The following PRDM10 variants were observed in gnomAD, a reference collection of about 807,000 sequenced individuals.
The protein encoded by PRDM10 is PR domain zinc finger protein 10.
A neutral mutation model predicts 133.1 loss-of-function variants in PRDM10; 65 were observed. The observed-to-expected ratio is 0.49, with a 90% confidence interval of 0.40 to 0.60. The LOEUF is 0.60. PRDM10 is among the 20% of genes least tolerant of loss of function. The pLI, the probability that PRDM10 is intolerant of heterozygous loss-of-function variation, is 0.00. For missense variants in PRDM10, 1,137 were observed against 1,507.1 expected (o/e 0.75, Z 4.07); for synonymous variants, 582 against 580.4 (o/e 1.00, Z -0.04).
At position 129,944,905 on chromosome 11, in the gene PRDM10, G is replaced by T; in HGVS notation, c.628C>A (p.Leu210Met). ...AGAAACCTGTCTATGTAGAGCACCA[G>T]GGGGAGGCTCGCCCTGGCCCGGGTG... Reference protein sequence around the residue: ...VLTRARASLPLVLYIDRFLGG... With the variant: ...VLTRARASLPMVLYIDRFLGG... The change falls in exon 6 of 21, where the codon CTG (leucine) becomes ATG (methionine). Residue 210 changes from leucine (L) to methionine (M), a missense_variant. Around this residue, in one of 6 missense-constraint regions of PRDM10, gnomAD observed 635 missense variants for 835.2 expected, o/e 0.76. Transcript: ENST00000360871. 2 of 1,614,100 alleles carry T rather than the reference G, an allele frequency of 1.2e-6. No individual in the cohort carries two copies. Among genetic ancestry groups the T allele is most frequent in the African/African-American group, 1.3e-5 (1 of 75,050 alleles).
Position 129,925,373 on chromosome 11 carries a change from G to T in PRDM10, c.1531-144C>A, listed in dbSNP as rs953093138. On this transcript the variant is annotated intron_variant, in intron 11 of 20. Transcript: ENST00000360871. The stretch of plus-strand genomic sequence containing the variant: ...ACTCTAGGACACACACAGTTGAAAG[G>T]AGATTTTTCTGGTGAAGACACTGAA... 4 of 774,722 alleles carry T rather than the reference G, an allele frequency of 5.2e-6. No individual in the cohort carries two copies. In the African/African-American group the frequency reaches 7.2e-5, roughly 14 times the overall value. The allele number at this position is 774,722 out of a possible 1,614,324, so 48.0% of individuals were successfully genotyped here. A position where few individuals can be genotyped will look rare whatever the true frequency, so the allele number is the denominator to read the frequency against.
rs113424262 is a variant in PRDM10, at chr11:129,973,614, A to G, written c.-118-12532T>C. Among the ~76,000 whole-genome samples, 902 of 152,380 alleles carry G rather than the reference A, an allele frequency of 5.9e-3. 7 individuals are homozygous for G. Among genetic ancestry groups the G allele is most frequent in the Middle Eastern group, 0.014 (4 of 294 alleles). The stretch of plus-strand genomic sequence containing the variant: ...GCTGAAATAAAATAAAAATTTAAGC[A>G]ACCATCTGTTACAATGTCGGTGATT... On this transcript the variant is annotated intron_variant, in intron 1 of 20. Coordinates refer to ENST00000360871, the MANE Select transcript of PRDM10 (RefSeq NM_199437.2).
At chr11:129,962,060 A>C (rs1283971405) in intron 1 of PRDM10, among the ~76,000 whole-genome samples, 1 of 152,182 alleles carries the variant, frequency 6.6e-6, no homozygotes, top group Non-Finnish European at 1.5e-5. Flanking sequence ...TCTGCGTAAA[A>C]AATTTGGTGA....
At chr11:129,904,826 A>T (rs1949963176) in intron 20 of PRDM10, among the ~76,000 whole-genome samples, 1 of 152,218 alleles carries the variant, frequency 6.6e-6, no homozygotes, top group East Asian at 1.9e-4. Flanking sequence ...ATTCACATGT[A>T]TGTACTCTGT....
At chr11:129,960,781 A>G (rs1239855523) in intron 2 of PRDM10, 115 bp downstream of exon 2, 1 of 1,044,654 alleles carries the variant, frequency 9.6e-7, no homozygotes, top group South Asian at 1.4e-5. Flanking sequence ...CGAGTTCTTC[A>G]TGTCGGCTCC....
intron 1 of PRDM10, among the ~76,000 whole-genome samples, chr11:129,994,465 CAA>C (rs1187507792): frequency 5.4e-4 from 43 of 79,500 alleles, no homozygotes; most frequent in African/African-American, 1.2e-3. Flanking sequence ...AACTCTGCCT[CAA>C]AAAAAAAAAA....
intron 19 of PRDM10, among the ~76,000 whole-genome samples, chr11:129,909,141 C>T (rs182236057): frequency 0.011 from 1,618 of 152,054 alleles, 43 homozygotes; most frequent in Admixed American, 0.062. Flanking sequence ...CTCAATGTGA[C>T]GTCCAATGTT....
intron 1 of PRDM10, among the ~76,000 whole-genome samples, chr11:129,998,285 A>G (rs1939164636): frequency 6.6e-6 from 1 of 152,154 alleles, no homozygotes; most frequent in South Asian, 2.1e-4. Context: ...ACAGGACAGC[A>G]CAGGTCTAAG....
chr11:129,921,449 C>T (rs562178387), intron 13 of PRDM10, among the ~76,000 whole-genome samples: 4 of 152,226 alleles, frequency 2.6e-5, no homozygotes, highest in South Asian at 2.1e-4. Context: ...CCTGAGCACA[C>T]GGGGAGGCAG....
intron 4 of PRDM10, among the ~76,000 whole-genome samples, chr11:129,952,885 A>G (rs1284942269): frequency 1.3e-5 from 2 of 151,960 alleles, no homozygotes; most frequent in African/African-American, 4.8e-5. Flanking sequence ...GAGAAGCAAA[A>G]CCAAGACATT....
At chr11:129,948,163 A>G in intron 4 of PRDM10, 1 of 438,768 alleles carries the variant, frequency 2.3e-6, no homozygotes, top group South Asian at 1.6e-5. Context: ...CTTATCAAAT[A>G]TCCTGGCAGA....
chr11:129,976,285 T>C (rs1431961817), intron 1 of PRDM10, among the ~76,000 whole-genome samples: 2 of 152,126 alleles, frequency 1.3e-5, no homozygotes, highest in Non-Finnish European at 2.9e-5. Context: ...TGAAACTCCA[T>C]ACCCCACTGG....
chr11:129,929,738 G>A (rs1303669970), intron 11 of PRDM10, among the ~76,000 whole-genome samples: 3 of 146,946 alleles, frequency 2.0e-5, no homozygotes, highest in East Asian at 4.1e-4. Flanking sequence ...TGTGGGCTTC[G>A]GTTTTTTTTT....
At chr11:129,926,713 T>C (rs932297298) in intron 11 of PRDM10, among the ~76,000 whole-genome samples, 3 of 152,230 alleles carry the variant, frequency 2.0e-5, no homozygotes, top group African/African-American at 7.2e-5. Flanking sequence ...AGCAATTCTG[T>C]GATCTTCTTC....
At chr11:129,965,619 A>G (rs1402845727) in intron 1 of PRDM10, among the ~76,000 whole-genome samples, 1 of 152,144 alleles carries the variant, frequency 6.6e-6, no homozygotes, top group African/African-American at 2.4e-5. Flanking sequence ...CATTTCCAGG[A>G]AGAGAATGAT....
rs1565464200 is a variant in PRDM10 at position 129,923,687 on chromosome 11, A to AGAGAGAGAGAGAGAGAGAGAGG, written c.1879-285_1879-284insCCTCTCTCTCTCTCTCTCTCTC. On this transcript the variant is annotated intron_variant, in intron 12 of 20. Coordinates refer to ENST00000360871, the MANE Select transcript of PRDM10 (RefSeq NM_199437.2). This position sits in a 1 kb window ranked among gnomAD's most constrained non-coding sequence, Gnocchi z 4.4. ...GAGAGAGAGAGAGAGAGAGAGAGAG[A>AGAGAGAGAGAGAGAGAGAGAGG]GAGAGAGTGCTTGCTTGGTCAAAGC... Among the ~76,000 whole-genome samples the AGAGAGAGAGAGAGAGAGAGAGG allele has an allele frequency of 1.2e-4, 17 of 145,302 alleles. No individual in the cohort carries two copies. The highest frequency in any genetic ancestry group is 4.2e-4 in the African/African-American group (16 of 37,836).
Position 129,932,847 on chromosome 11 carries a change from C to A in PRDM10, c.1158-616G>T, listed in dbSNP as rs545670864. Among the ~76,000 whole-genome samples the A allele has an allele frequency of 2.0e-5, 3 of 152,166 alleles. No individual in the cohort carries two copies. The South Asian group carries it at 6.2e-4, about 32-fold the overall frequency. Reference sequence around the variant, plus strand: ...GTGATGTAATCATGGCTCACTGTGGCCTCAACCACCTGGGCTCAAGCGATC... The same window carrying A: ...GTGATGTAATCATGGCTCACTGTGGACTCAACCACCTGGGCTCAAGCGATC... On this transcript the variant is annotated intron_variant, in intron 9 of 20. Transcript: ENST00000360871.
chr11:129,910,924 G>A (rs1432457811), intron 18 of PRDM10, among the ~76,000 whole-genome samples: 1 of 152,120 alleles, frequency 6.6e-6, no homozygotes, highest in Non-Finnish European at 1.5e-5. Context: ...TTACAGGCAT[G>A]TGCCAACCCA....
chr11:130,002,595 GCT>G (rs1438981035), intron 1 of PRDM10, 125 bp downstream of exon 1: 1 of 152,910 alleles, frequency 6.5e-6, no homozygotes, highest in African/African-American at 2.4e-5. Context: ...CCCCGGCCGG[GCT>G]CTGAGACGCG....
Sources: allele counts gnomAD v4.1 joint callset (sites outside exome capture counted in the v4.1 genomes callset), GRCh38; gene constraint gnomAD v4.1.1; regional missense constraint gnomAD v4.1.1; non-coding constraint Gnocchi (gnomAD v3.1); transcripts MANE v1.5; gene names NCBI Gene and HGNC (gene_info 2026-07-23, HGNC 2026-07-21).